The following FARP1 variants were observed in gnomAD, a reference collection of about 807,000 sequenced individuals.
FARP1 encodes FERM, ARHGEF and pleckstrin domain-containing protein 1.
Under a neutral mutation model 128.8 loss-of-function variants are expected in FARP1, and 52 were observed. That is an observed-to-expected ratio of 0.40 (90% CI 0.32 to 0.51). The LOEUF is 0.51. Ranked by LOEUF, FARP1 falls within the 20% of genes least tolerant of loss-of-function variation. FARP1 has a pLI of 0.45. For synonymous variants in FARP1, 580 were observed against 551.8 expected, an observed-to-expected ratio of 1.05 and a Z score of -0.72; for missense variants, 1,333 against 1,367.9, an observed-to-expected ratio of 0.97 and a Z score of 0.40.
chr13:98,428,285 CAAAG>C (rs1321490054), intron 17 of FARP1, among the ~76,000 whole-genome samples: 1 of 152,204 alleles, frequency 6.6e-6, no homozygotes, highest in Non-Finnish European at 1.5e-5. Context: ...GAAATCAATG[CAAAG>C]AAAGGGCCTT....
chr13:98,277,777 A>G (rs1416256052), intron 2 of FARP1, among the ~76,000 whole-genome samples: 1 of 152,200 alleles, frequency 6.6e-6, no homozygotes, highest in African/African-American at 2.4e-5. Flanking sequence ...CTGGTTCTTC[A>G]TGCCAGCTGC....
chr13:98,200,378 G>A (rs1238173714), intron 1 of FARP1, among the ~76,000 whole-genome samples: 4 of 122,806 alleles, frequency 3.3e-5, no homozygotes, highest in Admixed American at 2.7e-4. Flanking sequence ...CACCTGGAAT[G>A]CAACCTTCAC....
At chr13:98,409,124 C>T (rs3736867) in intron 13 of FARP1, among the ~76,000 whole-genome samples, 84,438 of 151,918 alleles carry the variant, frequency 0.56, 23,767 homozygotes, top group Non-Finnish European at 0.6. Flanking sequence ...TCATTAATTA[C>T]GTAATGAGGC....
intron 18 of FARP1, 45 bp downstream of exon 18, chr13:98,431,325 C>T (rs1362624274): frequency 7.2e-7 from 1 of 1,390,588 alleles, no homozygotes; most frequent in Non-Finnish European, 9.9e-7. Context: ...TGCCACAGTT[C>T]AGGCCGGGTG....
At position 98,170,111 on chromosome 13, in the gene FARP1, T is replaced by G. The variant is rs564819346; in HGVS notation, c.-24+26619T>G. Among the ~76,000 whole-genome samples, 31 of 152,298 alleles carry G rather than the reference T, an allele frequency of 2.0e-4. No homozygotes were observed. In the East Asian group the frequency reaches 4.6e-3, roughly 23 times the overall value. Reference sequence around the variant, plus strand: ...TTTTCCATAGCAACTCTTCTTGTATTTTGGAAGAGATTCTTATTCTCTTGG... The same window carrying G: ...TTTTCCATAGCAACTCTTCTTGTATGTTGGAAGAGATTCTTATTCTCTTGG... On this transcript the variant is annotated intron_variant, in intron 1 of 26. Coordinates refer to ENST00000319562, the MANE Select transcript of FARP1 (RefSeq NM_005766.4).
chr13:98,189,204 C>T (rs1879073863), intron 1 of FARP1, among the ~76,000 whole-genome samples: 1 of 151,534 alleles, frequency 6.6e-6, no homozygotes, highest in Non-Finnish European at 1.5e-5. Flanking sequence ...CCTTGCAGGG[C>T]TTCAAGTAGA....
At chr13:98,396,588 T>C (rs1479109689) in intron 13 of FARP1, 2 of 398,330 alleles carry the variant, frequency 5.0e-6, no homozygotes, top group Non-Finnish European at 8.8e-6. Context: ...TCATTTGTAG[T>C]CTACATTTGT....
chr13:98,228,553 A>G (rs1398616279), intron 2 of FARP1, among the ~76,000 whole-genome samples: 1 of 152,054 alleles, frequency 6.6e-6, no homozygotes, highest in Non-Finnish European at 1.5e-5. Context: ...GCGGTTATCT[A>G]TTGTTTGTAT....
chr13:98,172,095 TC>T (rs1288191957), intron 1 of FARP1, among the ~76,000 whole-genome samples: 5 of 152,082 alleles, frequency 3.3e-5, no homozygotes, highest in Non-Finnish European at 5.9e-5. Context: ...GCCATGGAAA[TC>T]CGGCCGTTCT....
chr13:98,207,647 C>G (rs1285514600), intron 1 of FARP1, among the ~76,000 whole-genome samples: 1 of 151,502 alleles, frequency 6.6e-6, no homozygotes, highest in East Asian at 1.9e-4. Flanking sequence ...CAGGGCCTGT[C>G]CCTGCTGAGC....
In FARP1 at chr13:98,176,364, G is replaced by A. The variant is rs1376546443; in HGVS notation, c.-24+32872G>A. 6.2e-6 allele frequency: 10 copies of A among 1,614,108 alleles called. No individual in the cohort carries two copies. The highest frequency in any genetic ancestry group is 8.5e-6 in the Non-Finnish European group (10 of 1,180,040). On this transcript the variant is annotated intron_variant, in intron 1 of 26. Transcript: ENST00000319562. This position sits in a 1 kb window ranked among gnomAD's most constrained non-coding sequence, Gnocchi z 6.2. Reference sequence around the variant, plus strand: ...TGCCGCCGGTTGGCTGGTCACAGATGTAGCAGCGCGGGGTGGCCCGGAAGT... The same window carrying A: ...TGCCGCCGGTTGGCTGGTCACAGATATAGCAGCGCGGGGTGGCCCGGAAGT...
rs549315213 is a variant in FARP1 at position 98,230,089 on chromosome 13, T to G, written c.171+16676T>G. ...AATGAGACATTGCCTCTTACTTGCT[T>G]TAGAGAAGTGGGCACTCCCCTCCCC... On this transcript the variant is annotated intron_variant, in intron 2 of 26. Transcript: ENST00000319562. Among the ~76,000 whole-genome samples the G allele has an allele frequency of 3.5e-4, 53 of 152,290 alleles. 1 individual carries two copies. The highest frequency in any genetic ancestry group is 1.1e-3 in the African/African-American group (45 of 41,560).
At chr13:98,225,502 A>C (rs1322363083) in intron 2 of FARP1, among the ~76,000 whole-genome samples, 7 of 152,214 alleles carry the variant, frequency 4.6e-5, no homozygotes, top group African/African-American at 1.4e-4. Flanking sequence ...GCACTCCCTC[A>C]TGAAACCAAG....
chr13:98,248,447 G>A (rs1039631966), intron 2 of FARP1, among the ~76,000 whole-genome samples: 18 of 152,100 alleles, frequency 1.2e-4, no homozygotes, highest in African/African-American at 3.6e-4. Flanking sequence ...TTATAGGATG[G>A]GATAGTGTCA....
intron 19 of FARP1, chr13:98,436,078 T>A: frequency 3.4e-6 from 1 of 295,246 alleles, no homozygotes. Flanking sequence ...AGAAAGGTAG[T>A]GCATTAAATT....
chr13:98,324,999 G>C (rs1566879754), intron 2 of FARP1, among the ~76,000 whole-genome samples: 1 of 152,196 alleles, frequency 6.6e-6, no homozygotes, highest in Non-Finnish European at 1.5e-5. Flanking sequence ...CACAGTAGTT[G>C]AAATTTCTTG....
In FARP1 at chr13:98,176,549, G is replaced by T. The variant is rs1339753682; in HGVS notation, c.-24+33057G>T. ...CAGATACAGTAGCGACCCTCTTCAA[G>T]CTCCCGTTCAATCTCCCACCCGAGC... On this transcript the variant is annotated intron_variant, in intron 1 of 26. Coordinates refer to ENST00000319562, the MANE Select transcript of FARP1 (RefSeq NM_005766.4). The surrounding 1 kb of genome is among the most constrained non-coding windows in gnomAD (Gnocchi z 6.2). The T allele has an allele frequency of 6.2e-7, 1 of 1,614,170 alleles. No homozygotes were observed. The highest frequency in any genetic ancestry group is 2.2e-5 in the East Asian group (1 of 44,868).
chr13:98,271,601 C>T (rs1351365897), intron 2 of FARP1, among the ~76,000 whole-genome samples: 6 of 152,068 alleles, frequency 3.9e-5, no homozygotes, highest in Non-Finnish European at 8.8e-5. Context: ...GTGATATTCC[C>T]CTCCCTGGGT....
chr13:98,389,652 A>C, intron 9 of FARP1: 1 of 249,084 alleles, frequency 4.0e-6, no homozygotes, highest in Non-Finnish European at 7.7e-6. Flanking sequence ...AAGGAAATGT[A>C]AGCCAAATAA....
Sources: gnomAD v4.1 joint callset for allele counts (sites outside exome capture counted in the v4.1 genomes callset) on GRCh38, gnomAD v4.1.1 for gene constraint, Gnocchi (gnomAD v3.1) non-coding constraint, MANE v1.5 for transcripts, NCBI Gene and HGNC (gene_info 2026-07-23, HGNC 2026-07-21) for gene names.